LRP1B: variants seen among roughly 807,000 people sequenced by gnomAD.
LRP1B encodes LDL receptor related protein 1B.
In LRP1B, 217 loss-of-function variants were observed where a neutral mutation model predicts 556.6. The ratio of observed to expected loss-of-function variants is 0.39; its 90% CI spans 0.35 to 0.44. LRP1B has a LOEUF of 0.44. LRP1B is among the 20% of genes least tolerant of loss of function. The pLI is 1.00. For missense variants in LRP1B, 5,053 were observed against 5,620.8 expected (o/e 0.90, Z 3.23); for synonymous variants, 2,047 against 1,865.8 (o/e 1.10, Z -2.50).
chr2:140,439,797 A>C (rs1686344394), intron 66 of LRP1B, among the ~76,000 whole-genome samples: 1 of 152,062 alleles, frequency 6.6e-6, no homozygotes, highest in Non-Finnish European at 1.5e-5. Flanking sequence ...ATTCGTTGTC[A>C]AAATTGTGAG....
chr2:141,385,135 AAGTT>A (rs1689782817), intron 3 of LRP1B, among the ~76,000 whole-genome samples: 4 of 152,200 alleles, frequency 2.6e-5, no homozygotes, highest in African/African-American at 9.7e-5. Context: ...GTATTAATGC[AAGTT>A]AGTTTTATAT....
intron 1 of LRP1B, among the ~76,000 whole-genome samples, chr2:141,878,925 A>G (rs1281481108): frequency 6.6e-6 from 1 of 151,936 alleles, no homozygotes; most frequent in Non-Finnish European, 1.5e-5. Context: ...CAAGCTTCCC[A>G]ATAGCACCAC....
chr2:140,954,994 T>A (rs992820241), intron 18 of LRP1B, among the ~76,000 whole-genome samples: 4 of 151,978 alleles, frequency 2.6e-5, no homozygotes, highest in Non-Finnish European at 4.4e-5. Context: ...TGTTTCATTC[T>A]CAAAGTACTA....
intron 2 of LRP1B, among the ~76,000 whole-genome samples, chr2:141,592,463 C>T (rs1430098705): frequency 6.6e-6 from 1 of 152,012 alleles, no homozygotes; most frequent in African/African-American, 2.4e-5. Flanking sequence ...CATGAAGGCA[C>T]CACCCTTATG....
At chr2:141,965,468 C>G (rs1234492684) in intron 1 of LRP1B, among the ~76,000 whole-genome samples, 8 of 75,138 alleles carry the variant, frequency 1.1e-4, no homozygotes, top group African/African-American at 3.7e-4. Context: ...AAATTGGAAA[C>G]CATCATTCTC....
chr2:140,297,671 A>G, intron 84 of LRP1B, 137 bp downstream of exon 84: 1 of 913,974 alleles, frequency 1.1e-6, no homozygotes, highest in East Asian at 2.5e-5. Flanking sequence ...GAATGGGTAA[A>G]TAATTGTTGG....
At chr2:140,859,416 T>G (rs1380481124) in intron 27 of LRP1B, among the ~76,000 whole-genome samples, 1 of 152,130 alleles carries the variant, frequency 6.6e-6, no homozygotes, top group Admixed American at 6.6e-5. Flanking sequence ...TTTTTTATTG[T>G]GAAATAAGCT....
chr2:140,620,097 AT>A (rs112471769), intron 41 of LRP1B, among the ~76,000 whole-genome samples: 3 of 152,160 alleles, frequency 2.0e-5, no homozygotes, highest in African/African-American at 7.2e-5. Context: ...AGTAAATTAT[AT>A]TTTTTTAAGA....
intron 3 of LRP1B, among the ~76,000 whole-genome samples, chr2:141,287,873 GATT>G (rs1685780349): frequency 6.6e-6 from 1 of 152,078 alleles, no homozygotes; most frequent in South Asian, 2.1e-4. Context: ...CTTAACCTAT[GATT>G]ACATAATTGT....
At chr2:142,109,929 T>C (rs1002616231) in intron 1 of LRP1B, among the ~76,000 whole-genome samples, 1 of 152,112 alleles carries the variant, frequency 6.6e-6, no homozygotes, top group African/African-American at 2.4e-5. Context: ...ATCAGCAAAG[T>C]ACAGTGTCAA....
intron 18 of LRP1B, among the ~76,000 whole-genome samples, chr2:140,977,800 A>T (rs1243151199): frequency 6.6e-6 from 1 of 152,202 alleles, no homozygotes; most frequent in Non-Finnish European, 1.5e-5. Context: ...CACACATTTC[A>T]TCATTAGGGA....
chr2:141,829,549 A>G (rs992740072), intron 1 of LRP1B, among the ~76,000 whole-genome samples: 5 of 152,204 alleles, frequency 3.3e-5, no homozygotes, highest in African/African-American at 1.2e-4. Flanking sequence ...ATATTTGAAG[A>G]TGAAAAATCT....
intron 2 of LRP1B, among the ~76,000 whole-genome samples, chr2:141,675,428 C>T (rs1265446879): frequency 6.6e-6 from 1 of 151,754 alleles, no homozygotes; most frequent in Non-Finnish European, 1.5e-5. Flanking sequence ...GGCCATAGAA[C>T]ATAGTAGTAA....
chr2:141,410,983 T>C (rs1398354221), intron 3 of LRP1B, among the ~76,000 whole-genome samples: 1 of 152,068 alleles, frequency 6.6e-6, no homozygotes, highest in Non-Finnish European at 1.5e-5. Context: ...TATACACATT[T>C]TTCTGCTTAA....
intron 2 of LRP1B, among the ~76,000 whole-genome samples, chr2:141,738,614 T>A (rs1310470710): frequency 6.6e-6 from 1 of 152,112 alleles, no homozygotes; most frequent in Non-Finnish European, 1.5e-5. Flanking sequence ...ACCTTTGAAG[T>A]TAGTTTAAGT....
chr2:141,571,583 C>T (rs186829307), intron 2 of LRP1B, among the ~76,000 whole-genome samples: 17 of 152,134 alleles, frequency 1.1e-4, no homozygotes, highest in South Asian at 1.0e-3. Flanking sequence ...AGGATCAAAT[C>T]GGCGAATTAA....
chr2:141,020,171 A>G (rs1323533484), intron 11 of LRP1B, 69 bp from the exon 12 acceptor site: 9 of 943,984 alleles, frequency 9.5e-6, no homozygotes, highest in Non-Finnish European at 1.3e-5. Context: ...TTCACTACTA[A>G]TAGCTACCTA....
intron 18 of LRP1B, among the ~76,000 whole-genome samples, chr2:140,957,069 A>G (rs929030317): frequency 6.6e-6 from 1 of 151,698 alleles, no homozygotes; most frequent in Admixed American, 6.6e-5. Context: ...ACTAGGGAAG[A>G]CATTTGGAAT....
intron 1 of LRP1B, among the ~76,000 whole-genome samples, chr2:141,885,364 A>C (rs544389580): frequency 6.6e-6 from 1 of 152,288 alleles, no homozygotes; most frequent in East Asian, 1.9e-4. Flanking sequence ...GAAATTAAGA[A>C]GTGTTTAAAT....
Sources: gnomAD v4.1 joint callset for allele counts (sites outside exome capture counted in the v4.1 genomes callset) on GRCh38, gnomAD v4.1.1 for gene constraint, MANE v1.5 for transcripts, NCBI Gene and HGNC (gene_info 2026-07-23, HGNC 2026-07-21) for gene names.